GLIPR1L2: variants seen among roughly 807,000 people sequenced by gnomAD.
GLIPR1L2 encodes the protein GLIPR1 like 2.
In GLIPR1L2, 21 loss-of-function variants were observed where a neutral mutation model predicts 28.4. The observed-to-expected ratio is 0.74, with a 90% CI of 0.52 to 1.06. GLIPR1L2 has a LOEUF of 1.06. Among genes scored for constraint, GLIPR1L2 ranks in the 50% least tolerant of loss-of-function variants. The pLI is 0.00. For missense variants in GLIPR1L2, 476 were observed against 416.9 expected, an observed-to-expected ratio of 1.14 and a Z score of -1.23; for synonymous variants, 145 against 139.3, an observed-to-expected ratio of 1.04 and a Z score of -0.29.
chr12:75,413,940 A>G (rs1185735743), intron 3 of GLIPR1L2, among the ~76,000 whole-genome samples: 6 of 152,156 alleles, frequency 3.9e-5, no homozygotes, highest in African/African-American at 1.4e-4. Flanking sequence ...TTATTTCACA[A>G]TATTTCACTT....
At chr12:75,423,552 A>C in intron 4 of GLIPR1L2, 1 of 653,952 alleles carries the variant, frequency 1.5e-6, no homozygotes, top group Non-Finnish European at 1.9e-6. Context: ...TTGGATAATA[A>C]GTAAATAGCA....
chr12:75,409,817 A>G (rs2045846133), intron 1 of GLIPR1L2, among the ~76,000 whole-genome samples: 1 of 147,592 alleles, frequency 6.8e-6, no homozygotes, highest in Non-Finnish European at 1.5e-5. Context: ...TCTGATATAT[A>G]TAAGATGTAT....
intron 1 of GLIPR1L2, among the ~76,000 whole-genome samples, chr12:75,400,479 A>G (rs1295838786): frequency 2.0e-5 from 3 of 152,214 alleles, no homozygotes; most frequent in Non-Finnish European, 2.9e-5. Context: ...AGCAAGGTAC[A>G]TTATGATACG....
In GLIPR1L2 at chr12:75,409,911, C is replaced by A. The variant is rs571348547; in HGVS notation, c.235-523C>A. On this transcript the variant is annotated intron_variant, in intron 1 of 5. Coordinates refer to ENST00000550916, the MANE Select transcript of GLIPR1L2 (RefSeq NM_001270396.2). ...AATCCAATATATATAAGATTTATAT[C>A]TAATCCAATATATATAAGATGTATA... is the stretch of plus-strand genomic sequence containing the variant. 1.0e-4 allele frequency among the ~76,000 whole-genome samples: 15 copies of A among 148,586 alleles called. No individual in the cohort carries two copies. In the South Asian group the frequency reaches 1.3e-3, roughly 13 times the overall value.
intron 2 of GLIPR1L2, among the ~76,000 whole-genome samples, chr12:75,412,175 A>T (rs1439434560): frequency 6.6e-6 from 1 of 151,942 alleles, no homozygotes; most frequent in Admixed American, 6.6e-5. Context: ...CCATCTTTTA[A>T]AAACTTTTTC....
chr12:75,431,109 AG>A lies in GLIPR1L2; in HGVS notation c.985del (p.Glu329ArgfsTer34). On this transcript the variant is annotated frameshift_variant, in exon 6 of 6. Transcript: ENST00000550916. LOFTEE classifies it low-confidence loss of function (END_TRUNC). Reference sequence around the variant, plus strand: ...ATGGAGGAGGAAAAAGAAGAGAGAGAGGAGGAGGAGGAGGAAACACAAAAAG... The same window carrying A: ...ATGGAGGAGGAAAAAGAAGAGAGAGAGAGGAGGAGGAGGAAACACAAAAAG... ...MEMEEEKEER[E>X]EEEEETQKEK... 8 of 985,312 alleles carry A rather than the reference AG, an allele frequency of 8.1e-6. No individual in the cohort carries two copies. Among genetic ancestry groups the A allele is most frequent in the South Asian group, 1.4e-5 (1 of 70,910 alleles). 61.0% of individuals were successfully genotyped at this position (985,312 alleles called of 1,614,324 possible).
intron 1 of GLIPR1L2, among the ~76,000 whole-genome samples, chr12:75,407,345 A>T (rs1382620108): frequency 6.6e-6 from 1 of 152,144 alleles, no homozygotes; most frequent in African/African-American, 2.4e-5. Flanking sequence ...TCATTGAGAT[A>T]TTCCCATGTA....
At chr12:75,426,162 G>T (rs1566078997) in intron 4 of GLIPR1L2, among the ~76,000 whole-genome samples, 1 of 152,122 alleles carries the variant, frequency 6.6e-6, no homozygotes, top group Non-Finnish European at 1.5e-5. Context: ...CCAGGAAAAA[G>T]TGACACAAAA....
intron 2 of GLIPR1L2, among the ~76,000 whole-genome samples, chr12:75,411,443 A>G (rs2045866318): frequency 6.6e-6 from 1 of 151,656 alleles, no homozygotes; most frequent in Non-Finnish European, 1.5e-5. Flanking sequence ...TGTTGAACTC[A>G]TGTCTTTCTC....
chr12:75,407,587 C>T (rs1345420004), intron 1 of GLIPR1L2, among the ~76,000 whole-genome samples: 1 of 152,008 alleles, frequency 6.6e-6, no homozygotes, highest in African/African-American at 2.4e-5. Context: ...ATATTTTGTG[C>T]ACTGTTTATC....
chr12:75,423,648 C>T (rs1010215863), intron 4 of GLIPR1L2: 15 of 198,746 alleles, frequency 7.5e-5, no homozygotes, highest in African/African-American at 3.6e-4. Context: ...TATATACATG[C>T]CATGGTGGTT....
Position 75,415,551 on chromosome 12 carries a change from C to G in GLIPR1L2, c.584+1850C>G, listed in dbSNP as rs551585703. 2.0e-5 allele frequency among the ~76,000 whole-genome samples: 3 copies of G among 152,170 alleles called. No individual in the cohort carries two copies. The South Asian group carries it at 6.2e-4, about 32-fold the overall frequency. ...GGTCATGAACCCAGGCATATTGTGG[C>G]AGGATTGTCTTCCCAGGGTCTCAAA... On this transcript the variant is annotated intron_variant, in intron 3 of 5. Coordinates refer to ENST00000550916, the MANE Select transcript of GLIPR1L2 (RefSeq NM_001270396.2).
intron 1 of GLIPR1L2, among the ~76,000 whole-genome samples, chr12:75,398,731 T>A (rs886196732): frequency 2.0e-5 from 3 of 152,162 alleles, no homozygotes; most frequent in Non-Finnish European, 4.4e-5. Flanking sequence ...CCTCCTTTTT[T>A]AAAAAAAGAA....
Position 75,391,324 on chromosome 12 carries a change from C to T in GLIPR1L2, c.208C>T (p.Pro70Ser). The T allele has an allele frequency of 6.2e-7, 1 of 1,614,128 alleles. No homozygotes were observed. Among genetic ancestry groups the T allele is most frequent in the South Asian group, 1.1e-5 (1 of 91,082 alleles). The part of the protein sequence containing the change: ...LHNELRGDVI[P>S]RGSNLRFMTW... ...CAATGAGCTGCGGGGCGACGTCATT[C>T]CCCGAGGGTCTAACTTGCGCTTCAT... The change falls in exon 1 of 6, where the codon CCC (proline) becomes TCC (serine). Residue 70 changes from proline (P) to serine (S), a missense_variant. Coordinates refer to ENST00000550916, the MANE Select transcript of GLIPR1L2 (RefSeq NM_001270396.2).
chr12:75,419,326 T>C lies in GLIPR1L2; in HGVS notation c.585-3578T>C, dbSNP rs374413881. Among the ~76,000 whole-genome samples the C allele has an allele frequency of 6.6e-5, 10 of 152,250 alleles. No homozygotes were observed. In the South Asian group the frequency reaches 1.7e-3, roughly 25 times the overall value. On this transcript the variant is annotated intron_variant, in intron 3 of 5. Coordinates refer to ENST00000550916, the MANE Select transcript of GLIPR1L2 (RefSeq NM_001270396.2). ...GAGGTTATAGCCAGTGAGTGAAATG[T>C]CTGATTTTGTGAGTTCAGAGGTGGA...
Position 75,413,650 on chromosome 12 carries a change from A to G in GLIPR1L2, c.533A>G (p.Lys178Arg). The G allele has an allele frequency of 6.4e-7, 1 of 1,568,482 alleles. No individual in the cohort carries two copies. The highest frequency in any genetic ancestry group is 1.2e-5 in the South Asian group (1 of 81,586). Residue 178 changes from lysine to arginine, a missense_variant, in exon 3 of 6, where the codon AAA becomes AGA. Coordinates refer to ENST00000550916, the MANE Select transcript of GLIPR1L2 (RefSeq NM_001270396.2). Reference sequence around the variant, plus strand: ...GGTTGTGCTGTTACTCCATGTTCAAAAATTGGACATATTATACATGCAGCA... The same window carrying G: ...GGTTGTGCTGTTACTCCATGTTCAAGAATTGGACATATTATACATGCAGCA... The part of the protein sequence containing the change: ...KVGCAVTPCS[K>R]IGHIIHAAIF...
In GLIPR1L2 at chr12:75,391,229, C is replaced by G. The variant is rs200810673; in HGVS notation, c.113C>G (p.Ser38Cys). 14 of 1,614,196 alleles carry G rather than the reference C, an allele frequency of 8.7e-6. No individual in the cohort carries two copies. The East Asian group carries it at 1.6e-4, about 18-fold the overall frequency. Reference protein sequence around the residue: ...LCELWLLLLGSSLNARFLPDE... With the variant: ...LCELWLLLLGCSLNARFLPDE... ...GAGCTGTGGCTACTGCTACTGGGTT[C>G]TAGTTTGAACGCCAGATTTTTGCCA... Residue 38 changes from serine to cysteine, a missense_variant, in exon 1 of 6, where the codon TCT becomes TGT. Ser to Cys is a moderately radical substitution (Grantham distance 112). Transcript: ENST00000550916.
intron 3 of GLIPR1L2, among the ~76,000 whole-genome samples, chr12:75,420,285 G>C (rs2045963904): frequency 6.6e-6 from 1 of 152,218 alleles, no homozygotes; most frequent in Non-Finnish European, 1.5e-5. Flanking sequence ...TGATGAACAA[G>C]ATGGTGGCAG....
chr12:75,391,490 G>T, intron 1 of GLIPR1L2, 140 bp downstream of exon 1: 1 of 1,543,670 alleles, frequency 6.5e-7, no homozygotes, highest in Non-Finnish European at 8.7e-7. Flanking sequence ...TAAAGTACAC[G>T]TGAAGTTTAC....
Sources: gnomAD v4.1 joint callset for allele counts (sites outside exome capture counted in the v4.1 genomes callset) on GRCh38, gnomAD v4.1.1 for gene constraint, MANE v1.5 for transcripts, NCBI Gene and HGNC (gene_info 2026-07-23, HGNC 2026-07-21) for gene names.